CRB1: variants seen among roughly 807,000 people sequenced by gnomAD.
The protein encoded by CRB1 is protein crumbs homolog 1.
In CRB1, 83 loss-of-function variants were observed where a neutral mutation model predicts 120.0. That is an observed-to-expected ratio of 0.69 (90% confidence interval 0.58 to 0.83). The LOEUF is 0.83. Among genes scored for constraint, CRB1 ranks in the 40% least tolerant of loss-of-function variants. The pLI, the probability that CRB1 is intolerant of heterozygous loss-of-function variation, is 0.00. For missense variants in CRB1, 1,699 were observed against 1,687.6 expected (o/e 1.01, Z -0.12); for synonymous variants, 625 against 612.5 (o/e 1.02, Z -0.30).
At chr1:197,440,467 C>T (rs1665378725) in intron 10 of CRB1, 1 of 152,182 alleles carries the variant, frequency 6.6e-6, no homozygotes, top group Non-Finnish European at 1.5e-5. Context: ...AACCTGTGTT[C>T]AGTAGATTCT....
chr1:197,214,910 A>T, the CRB1 span, among the ~76,000 whole-genome samples: 1 of 152,168 alleles, frequency 6.6e-6, no homozygotes, highest in Admixed American at 6.5e-5. Flanking sequence ...TCCCTGATGA[A>T]CATAGATACA....
chr1:197,417,448 G>T (rs141964105), intron 5 of CRB1, among the ~76,000 whole-genome samples: 2 of 152,274 alleles, frequency 1.3e-5, no homozygotes, highest in Non-Finnish European at 2.9e-5. Flanking sequence ...TGTAAAAATA[G>T]TTCTTCCCAA....
At chr1:197,234,738 T>C in the CRB1 span, among the ~76,000 whole-genome samples, 4 of 152,212 alleles carry the variant, frequency 2.6e-5, no homozygotes, top group Non-Finnish European at 5.9e-5. Flanking sequence ...AAGCTATTCA[T>C]GGTTCCAATA....
intron 4 of CRB1, among the ~76,000 whole-genome samples, chr1:197,355,682 G>C (rs146694949): frequency 6.6e-6 from 1 of 152,116 alleles, no homozygotes; most frequent in East Asian, 1.9e-4. Flanking sequence ...CCCACCGGCC[G>C]CTCTGAGTTT....
intron 5 of CRB1, among the ~76,000 whole-genome samples, chr1:197,415,908 C>G (rs1051783310): frequency 1.7e-4 from 26 of 152,100 alleles, no homozygotes; most frequent in Non-Finnish European, 3.7e-4. Flanking sequence ...TCCCAAGGTT[C>G]TGGCATTACA....
chr1:197,453,809 A>G (rs1044862857), intron 11 of CRB1, among the ~76,000 whole-genome samples: 33 of 142,960 alleles, frequency 2.3e-4, no homozygotes, highest in African/African-American at 8.2e-4. Flanking sequence ...TAATAATAAT[A>G]TATTGTTAAT....
chr1:197,322,130 A>G (rs1242054737), intron 1 of CRB1, among the ~76,000 whole-genome samples: 2 of 152,176 alleles, frequency 1.3e-5, no homozygotes, highest in African/African-American at 4.8e-5. Flanking sequence ...CTAGAAGTGT[A>G]AAATACACTA....
chr1:197,382,757 G>GCAGA (rs1341413057), intron 5 of CRB1, among the ~76,000 whole-genome samples: 1 of 152,202 alleles, frequency 6.6e-6, no homozygotes, highest in East Asian at 1.9e-4. Flanking sequence ...TTTATTAGGA[G>GCAGA]CAGACTCTGT....
At chr1:197,260,187 G>A in the CRB1 span, among the ~76,000 whole-genome samples, 1 of 85,770 alleles carries the variant, frequency 1.2e-5, no homozygotes, top group African/African-American at 5.0e-5. Context: ...GGAAGAGGAA[G>A]AAGAGGAAGA....
At chr1:197,239,809 G>A in the CRB1 span, among the ~76,000 whole-genome samples, 1 of 149,184 alleles carries the variant, frequency 6.7e-6, no homozygotes, top group Non-Finnish European at 1.5e-5. Flanking sequence ...TATCTCTATA[G>A]TATTTTTGAG....
At chr1:197,217,613 A>G in the CRB1 span, among the ~76,000 whole-genome samples, 1 of 152,300 alleles carries the variant, frequency 6.6e-6, no homozygotes, top group South Asian at 2.1e-4. Flanking sequence ...AATGTCCAGA[A>G]TACAAATTTA....
intron 11 of CRB1, among the ~76,000 whole-genome samples, chr1:197,445,784 C>CA (rs1244748138): frequency 1.3e-5 from 2 of 152,178 alleles, no homozygotes; most frequent in African/African-American, 4.8e-5. Flanking sequence ...TGTACTTATT[C>CA]AACAAATGTT....
At chr1:197,453,576 GGAGAGA>G (rs71131760) in intron 11 of CRB1, among the ~76,000 whole-genome samples, 3 of 118,526 alleles carry the variant, frequency 2.5e-5, no homozygotes, top group African/African-American at 6.2e-5. Context: ...AGAGGGAGAG[GGAGAGA>G]GAGAGAGAGA....
intron 5 of CRB1, among the ~76,000 whole-genome samples, chr1:197,400,277 T>G (rs1269043434): frequency 6.6e-6 from 1 of 150,824 alleles, no homozygotes; most frequent in Admixed American, 6.6e-5. Flanking sequence ...GCCATAAAAG[T>G]AGGGTCAGAG....
intron 5 of CRB1, among the ~76,000 whole-genome samples, chr1:197,404,858 A>T (rs1255495277): frequency 6.6e-6 from 1 of 152,222 alleles, no homozygotes; most frequent in African/African-American, 2.4e-5. Context: ...AAGTTCTGGC[A>T]CTACCACTGT....
At chr1:197,330,520 A>G (rs1658786313) in intron 2 of CRB1, among the ~76,000 whole-genome samples, 1 of 152,110 alleles carries the variant, frequency 6.6e-6, no homozygotes, top group Admixed American at 6.6e-5. Flanking sequence ...TATTTCCTCT[A>G]ATAAATCTTC....
chr1:197,317,202 G>T (rs1012987556), intron 1 of CRB1, among the ~76,000 whole-genome samples: 1 of 152,170 alleles, frequency 6.6e-6, no homozygotes, highest in Non-Finnish European at 1.5e-5. Flanking sequence ...TGAATCACCC[G>T]AGGTCAAGAG....
intron 1 of CRB1, among the ~76,000 whole-genome samples, chr1:197,281,809 A>G (rs1228041643): frequency 6.6e-6 from 1 of 151,886 alleles, no homozygotes; most frequent in Non-Finnish European, 1.5e-5. Flanking sequence ...TATCTAAAAT[A>G]GTAATGCACG....
the CRB1 span, among the ~76,000 whole-genome samples, chr1:197,237,768 G>A: frequency 6.6e-6 from 1 of 151,942 alleles, no homozygotes; most frequent in Admixed American, 6.6e-5. Flanking sequence ...TGTCATTTTG[G>A]CAGAGGTTCA....
Sources: allele counts gnomAD v4.1 joint callset (sites outside exome capture counted in the v4.1 genomes callset), GRCh38; gene constraint gnomAD v4.1.1; transcripts MANE v1.5; gene names NCBI Gene and HGNC (gene_info 2026-07-23, HGNC 2026-07-21).